The following TCF7L2 variants were observed in gnomAD, a reference collection of about 807,000 sequenced individuals.
TCF7L2 encodes the protein transcription factor 7 like 2, also known as transcription factor 7-like 2.
TCF7L2 carries 23 observed loss-of-function variants against 77.9 expected under a neutral mutation model. That is an observed-to-expected ratio of 0.30 (90% confidence interval 0.21 to 0.42). TCF7L2 has a LOEUF of 0.42. Among genes scored for constraint, TCF7L2 ranks in the 10% least tolerant of loss-of-function variants. TCF7L2 has a pLI of 1.00. For missense variants in TCF7L2, 654 were observed against 793.1 expected, an observed-to-expected ratio of 0.82 and a Z score of 2.11; for synonymous variants, 413 against 340.2, an observed-to-expected ratio of 1.21 and a Z score of -2.36.
At chr10:112,993,828 G>A (rs1193903589) in intron 4 of TCF7L2, among the ~76,000 whole-genome samples, 1 of 152,122 alleles carries the variant, frequency 6.6e-6, no homozygotes, top group African/African-American at 2.4e-5. Context: ...AGGCCAAGGC[G>A]GGCGGATCTT....
chr10:113,040,422 G>A (rs1417422969), intron 5 of TCF7L2, among the ~76,000 whole-genome samples: 1 of 152,200 alleles, frequency 6.6e-6, no homozygotes, highest in African/African-American at 2.4e-5. Context: ...ATGGTATGGA[G>A]GAGACTAGAG....
intron 11 of TCF7L2, among the ~76,000 whole-genome samples, chr10:113,157,315 G>A (rs1002690408): frequency 3.3e-5 from 5 of 151,964 alleles, no homozygotes; most frequent in South Asian, 2.1e-4. Flanking sequence ...ACGGGGTTTC[G>A]CCACGTTGGC....
chr10:113,094,920 A>T (rs2060786759), intron 5 of TCF7L2, among the ~76,000 whole-genome samples: 1 of 152,124 alleles, frequency 6.6e-6, no homozygotes, highest in Non-Finnish European at 1.5e-5. Context: ...GGAGTTTGAG[A>T]CCAGCCTGGC....
chr10:113,073,099 C>CGTGTGTGTGTGTGTGTGTGT (rs71489997), intron 5 of TCF7L2, among the ~76,000 whole-genome samples: 21 of 104,012 alleles, frequency 2.0e-4, no homozygotes, highest in African/African-American at 7.4e-4. Context: ...AGGGCCAGGT[C>CGTGTGTGTGTGTGTGTGTGT]GTGTGTGTGT....
At chr10:113,066,860 C>T (rs143870762) in intron 5 of TCF7L2, among the ~76,000 whole-genome samples, 30 of 152,360 alleles carry the variant, frequency 2.0e-4, no homozygotes, top group African/African-American at 6.7e-4. Flanking sequence ...CTTGCTTCTC[C>T]ATAAGCACAC....
At chr10:113,073,802 A>G (rs2058379506) in intron 5 of TCF7L2, among the ~76,000 whole-genome samples, 1 of 151,996 alleles carries the variant, frequency 6.6e-6, no homozygotes, top group African/African-American at 2.4e-5. Flanking sequence ...AGTGTGACTC[A>G]CCACACCGGA....
chr10:112,951,280 A>G lies in TCF7L2; in HGVS notation c.256+7A>G. On this transcript the variant is annotated splice_region_variant and intron_variant, in intron 2 of 13. Transcript: ENST00000627217. ...CGGGAAAGTTTGGAAGAAGGTGAGT[A>G]CGCCCCGCGCGCCCCGCAGCCGCCC... The G allele has an allele frequency of 2.9e-6, 4 of 1,402,450 alleles. No individual in the cohort carries two copies. The highest frequency in any genetic ancestry group is 2.8e-6 in the Non-Finnish European group (3 of 1,065,804). 86.9% of individuals were successfully genotyped at this position (1,402,450 alleles called of 1,614,324 possible). A position where few individuals can be genotyped will look rare whatever the true frequency, so the allele number is the denominator to read the frequency against.
At chr10:113,017,115 C>G (rs544701488) in intron 4 of TCF7L2, among the ~76,000 whole-genome samples, 1 of 152,262 alleles carries the variant, frequency 6.6e-6, no homozygotes, top group Admixed American at 6.5e-5. Context: ...CAGGAATACT[C>G]AAATCCTAGC....
chr10:112,953,662 C>G (rs2134274436), intron 3 of TCF7L2, among the ~76,000 whole-genome samples: 1 of 152,312 alleles, frequency 6.6e-6, no homozygotes, highest in Non-Finnish European at 1.5e-5. Context: ...TCTTGCCATC[C>G]CTTCTCAAAC....
chr10:113,149,919 G>A (rs2070377513), intron 8 of TCF7L2, among the ~76,000 whole-genome samples: 2 of 152,178 alleles, frequency 1.3e-5, no homozygotes, highest in Admixed American at 1.3e-4. Context: ...AGTAGGATAT[G>A]TTGCTTGAAG....
At chr10:113,136,423 A>G (rs1043023030) in intron 5 of TCF7L2, among the ~76,000 whole-genome samples, 11 of 152,168 alleles carry the variant, frequency 7.2e-5, no homozygotes, top group African/African-American at 2.7e-4. Flanking sequence ...TTATTCATAT[A>G]TGAGTGTTTG....
intron 3 of TCF7L2, 96 bp downstream of exon 3, chr10:112,951,703 T>A: frequency 6.7e-6 from 3 of 445,352 alleles, no homozygotes; most frequent in Non-Finnish European, 7.7e-6. Flanking sequence ...CCTCCCCGCC[T>A]CCCCCTCCCC....
At chr10:113,100,271 A>G (rs1448480411) in intron 5 of TCF7L2, among the ~76,000 whole-genome samples, 1 of 152,226 alleles carries the variant, frequency 6.6e-6, no homozygotes, top group East Asian at 1.9e-4. Flanking sequence ...GCTTTTCAGC[A>G]TCCCCACTGA....
At chr10:112,956,472 T>G (rs1326532130) in intron 3 of TCF7L2, among the ~76,000 whole-genome samples, 1 of 151,862 alleles carries the variant, frequency 6.6e-6, no homozygotes, top group Non-Finnish European at 1.5e-5. Context: ...GCATTTATAA[T>G]TCTTTTGAGG....
At chr10:113,110,357 T>A (rs2062959355) in intron 5 of TCF7L2, among the ~76,000 whole-genome samples, 1 of 147,104 alleles carries the variant, frequency 6.8e-6, no homozygotes, top group Non-Finnish European at 1.5e-5. Flanking sequence ...ATGTTTGAGA[T>A]TGTCTACTGG....
At chr10:113,091,417 CCT>C (rs1183047232) in intron 5 of TCF7L2, among the ~76,000 whole-genome samples, 1 of 152,116 alleles carries the variant, frequency 6.6e-6, no homozygotes, top group Non-Finnish European at 1.5e-5. Context: ...CCACCTATTC[CCT>C]GTTAGCCAGA....
chr10:113,160,091 A>C (rs2072888438), intron 12 of TCF7L2, 99 bp downstream of exon 14: 1 of 1,069,900 alleles, frequency 9.3e-7, no homozygotes. Context: ...CTGTGTGTGG[A>C]TCTCAGGAGA....
In TCF7L2 at chr10:113,029,101, T is replaced by A. The variant is rs558524446; in HGVS notation, c.451-10924T>A. ...ATGATGTGGGAGCTAGTCAAGGGGC[T>A]TTAGGTATGTGATTTCATGCCTACT... On this transcript the variant is annotated intron_variant, in intron 4 of 13. Coordinates refer to ENST00000627217, the MANE Select transcript of TCF7L2 (RefSeq NM_001146274.2). Among the ~76,000 whole-genome samples, 20 of 152,338 alleles carry A rather than the reference T, an allele frequency of 1.3e-4. No individual in the cohort carries two copies. The East Asian group carries it at 3.5e-3, about 26-fold the overall frequency.
chr10:112,974,237 T>C (rs1325975275), intron 4 of TCF7L2, among the ~76,000 whole-genome samples: 1 of 152,224 alleles, frequency 6.6e-6, no homozygotes, highest in African/African-American at 2.4e-5. Context: ...AGTTGAGATA[T>C]TTGTATCTGT....
Sources: allele counts gnomAD v4.1 joint callset (sites outside exome capture counted in the v4.1 genomes callset), GRCh38; gene constraint gnomAD v4.1.1; transcripts MANE v1.5; gene names NCBI Gene and HGNC (gene_info 2026-07-23, HGNC 2026-07-21).